The following APBB2 variants were observed in gnomAD, a reference collection of about 807,000 sequenced individuals.
The protein encoded by APBB2 is Fe65-like 1.
Under a neutral mutation model 82.5 loss-of-function variants are expected in APBB2, and 38 were observed. The observed-to-expected ratio is 0.46, with a 90% CI of 0.36 to 0.60. The LOEUF (loss-of-function observed/expected upper bound fraction) is 0.60, where lower values mean the gene tolerates loss of function less well. Ranked by LOEUF, APBB2 falls within the 20% of genes least tolerant of loss-of-function variation. APBB2 has a pLI of 0.00. For missense variants in APBB2, 772 were observed against 972.3 expected, an observed-to-expected ratio of 0.79 and a Z score of 2.74; for synonymous variants, 341 against 368.2, an observed-to-expected ratio of 0.93 and a Z score of 0.85.
intron 10 of APBB2, among the ~76,000 whole-genome samples, chr4:40,905,835 C>T (rs377051268): frequency 5.9e-5 from 9 of 152,160 alleles, no homozygotes; most frequent in Admixed American, 3.3e-4. Context: ...CTCACTCCTC[C>T]GCACTGAGAG....
intron 3 of APBB2, among the ~76,000 whole-genome samples, chr4:41,091,554 T>A (rs1406473801): frequency 6.6e-6 from 1 of 152,176 alleles, no homozygotes; most frequent in Non-Finnish European, 1.5e-5. Context: ...CTTTCTTGCA[T>A]CCCTACTTCC....
intron 7 of APBB2, among the ~76,000 whole-genome samples, chr4:40,944,431 A>G (rs2154380267): frequency 6.6e-6 from 1 of 152,324 alleles, no homozygotes; most frequent in Non-Finnish European, 1.5e-5. Flanking sequence ...TCTTGCAGAC[A>G]TTCCCTCCAC....
intron 1 of APBB2, among the ~76,000 whole-genome samples, chr4:41,168,267 C>T (rs933779926): frequency 3.4e-5 from 5 of 148,062 alleles, no homozygotes; most frequent in African/African-American, 5.1e-5. Flanking sequence ...GCCTGGGCGA[C>T]AGAGTGAGAC....
chr4:41,209,482 C>T (rs79696708), intron 1 of APBB2, among the ~76,000 whole-genome samples: 4,560 of 152,244 alleles, frequency 0.03, 232 homozygotes, highest in African/African-American at 0.1. Flanking sequence ...GAGTGAAAGT[C>T]GTATTCCAGA....
Position 40,819,464 on chromosome 4 carries a change from G to A in APBB2, c.2112+2407C>T, listed in dbSNP as rs184961451. On this transcript the variant is annotated intron_variant, in intron 17 of 17. Coordinates refer to ENST00000508593, the MANE Select transcript of APBB2 (RefSeq NM_004307.2). ...GCCTCCCAAAGTATTGGGATTACAG[G>A]CGTGAGCTACTGTGCCCAGCCTCCT... is the stretch of plus-strand genomic sequence containing the variant. Among the ~76,000 whole-genome samples the A allele has an allele frequency of 3.3e-3, 503 of 152,126 alleles. 3 individuals carry two copies. The highest frequency in any genetic ancestry group is 0.011 in the African/African-American group (459 of 41,474).
At chr4:41,083,033 C>T (rs1043690588) in intron 3 of APBB2, among the ~76,000 whole-genome samples, 5 of 151,904 alleles carry the variant, frequency 3.3e-5, no homozygotes, top group African/African-American at 4.8e-5. Flanking sequence ...GGCATGGTGG[C>T]GCATGCCTGT....
At chr4:41,113,337 T>TA (rs1409580939) in intron 2 of APBB2, among the ~76,000 whole-genome samples, 7 of 152,168 alleles carry the variant, frequency 4.6e-5, no homozygotes, top group Non-Finnish European at 1.0e-4. Context: ...TTCCAAATCC[T>TA]AAAAATCTCA....
At chr4:41,111,847 G>T (rs544572357) in intron 2 of APBB2, among the ~76,000 whole-genome samples, 13 of 152,224 alleles carry the variant, frequency 8.5e-5, no homozygotes, top group African/African-American at 2.9e-4. Flanking sequence ...ACAAGCAGTC[G>T]CCATTACAAG....
chr4:41,087,933 G>A (rs1488676410), intron 3 of APBB2, among the ~76,000 whole-genome samples: 5 of 152,142 alleles, frequency 3.3e-5, no homozygotes, highest in Non-Finnish European at 7.3e-5. Flanking sequence ...CAATAGATGC[G>A]TGGGCCTCCA....
chr4:41,150,325 T>C (rs913792313), intron 1 of APBB2, among the ~76,000 whole-genome samples: 3 of 152,210 alleles, frequency 2.0e-5, no homozygotes, highest in African/African-American at 7.2e-5. Context: ...TCTAGTTATT[T>C]TGATTAACTT....
At chr4:41,098,518 TCA>T (rs1003725103) in intron 3 of APBB2, among the ~76,000 whole-genome samples, 1 of 152,184 alleles carries the variant, frequency 6.6e-6, no homozygotes, top group African/African-American at 2.4e-5. Context: ...GATCTTTTTG[TCA>T]CAGTCCCTGT....
chr4:40,842,192 G>T (rs1756040087), intron 12 of APBB2, among the ~76,000 whole-genome samples: 1 of 152,224 alleles, frequency 6.6e-6, no homozygotes, highest in South Asian at 2.1e-4. Flanking sequence ...TGCAATTCCA[G>T]ACTCTGTTTT....
chr4:41,066,749 C>T (rs1276783187), intron 3 of APBB2, among the ~76,000 whole-genome samples: 1 of 152,180 alleles, frequency 6.6e-6, no homozygotes, highest in East Asian at 1.9e-4. Flanking sequence ...CAGAGTGAGG[C>T]CAGAAAAGAA....
intron 3 of APBB2, among the ~76,000 whole-genome samples, chr4:41,081,971 G>C (rs994356303): frequency 6.6e-6 from 1 of 152,122 alleles, no homozygotes. Flanking sequence ...GATTGTAGTA[G>C]GTATAGAAAG....
rs537871739 is a variant in APBB2, at chr4:40,861,042, C to T, written c.1529+29322G>A. ...CAGCTGGGCAATATAGCGAGACCCC[C>T]ATATCTACAAAAAATTTTAAACATT... On this transcript the variant is annotated intron_variant, in intron 12 of 17. Transcript: ENST00000508593. 7.2e-5 allele frequency among the ~76,000 whole-genome samples: 11 copies of T among 152,266 alleles called. 1 individual carries two copies. Among genetic ancestry groups the T allele is most frequent in the Admixed American group, 2.6e-4 (4 of 15,280 alleles).
intron 4 of APBB2, among the ~76,000 whole-genome samples, chr4:41,040,764 A>G (rs568806482): frequency 1.3e-5 from 2 of 152,338 alleles, no homozygotes; most frequent in African/African-American, 4.8e-5. Context: ...CCTCATATAC[A>G]TGGCAACTAA....
intron 2 of APBB2, among the ~76,000 whole-genome samples, chr4:41,139,376 TTC>T (rs1758459080): frequency 6.6e-6 from 1 of 152,104 alleles, no homozygotes. Context: ...ATAAAGAACA[TTC>T]ACAAAAAACC....
chr4:40,982,223 AAAGAAAGAAAG>A (rs1560445178), intron 6 of APBB2, among the ~76,000 whole-genome samples: 127 of 6,226 alleles, frequency 0.02, 12 homozygotes, highest in Non-Finnish European at 0.022. Flanking sequence ...AAAAGAAAGG[AAAGAAAGAAAG>A]AAAGAAAGAA....
At chr4:40,923,016 C>T (rs961250137) in intron 10 of APBB2, among the ~76,000 whole-genome samples, 3 of 150,502 alleles carry the variant, frequency 2.0e-5, no homozygotes, top group Non-Finnish European at 3.0e-5. Flanking sequence ...GCTCTTTAGC[C>T]CAGGCCGGAT....
Sources: allele counts gnomAD v4.1 joint callset (sites outside exome capture counted in the v4.1 genomes callset), GRCh38; gene constraint gnomAD v4.1.1; transcripts MANE v1.5; gene names NCBI Gene and HGNC (gene_info 2026-07-23, HGNC 2026-07-21).